SSBP3: variants seen among roughly 807,000 people sequenced by gnomAD.
The protein encoded by SSBP3 is single-stranded DNA-binding protein 3.
Under a neutral mutation model 69.6 loss-of-function variants are expected in SSBP3, and 5 were observed. That is an observed-to-expected ratio of 0.07 (90% CI 0.04 to 0.15). The LOEUF is 0.15. SSBP3 is among the 10% of genes least tolerant of loss of function. SSBP3 has a pLI of 1.00. For synonymous variants in SSBP3, 196 were observed against 193.4 expected, an observed-to-expected ratio of 1.01 and a Z score of -0.11; for missense variants, 312 against 534.0, an observed-to-expected ratio of 0.58 and a Z score of 4.10.
At chr1:54,229,112 C>G (rs1175590520) in intron 14 of SSBP3, among the ~76,000 whole-genome samples, 1 of 152,250 alleles carries the variant, frequency 6.6e-6, no homozygotes, top group African/African-American at 2.4e-5. Flanking sequence ...CTGAGCCTCT[C>G]GGATCCCACC....
rs940611207 is a variant in SSBP3, at chr1:54,359,980, G to A, written c.276+41881C>T. ...CCACTACTGGGTGTGTGACTCAACC[G>A]CCAACACCTTCAGAGTCTTGTTCAC... On this transcript the variant is annotated intron_variant, in intron 4 of 17. Coordinates refer to ENST00000610401, the Ensembl canonical transcript of SSBP3. 2.6e-5 allele frequency among the ~76,000 whole-genome samples: 4 copies of A among 152,066 alleles called. 1 individual carries two copies. The highest frequency in any genetic ancestry group is 2.1e-4 in the South Asian group (1 of 4,820).
intron 4 of SSBP3, among the ~76,000 whole-genome samples, chr1:54,347,861 G>T (rs1388972114): frequency 6.6e-6 from 1 of 152,162 alleles, no homozygotes; most frequent in African/African-American, 2.4e-5. Flanking sequence ...CCTTCCTCGT[G>T]AACTTTCAGC....
intron 4 of SSBP3, among the ~76,000 whole-genome samples, chr1:54,321,832 C>T (rs1646219730): frequency 6.6e-6 from 1 of 152,208 alleles, no homozygotes; most frequent in African/African-American, 2.4e-5. Context: ...GAATGTCCCC[C>T]ATGAGAAGGA....
At chr1:54,228,148 C>G in intron 17 of SSBP3, 107 bp downstream of exon 17, 1 of 1,027,666 alleles carries the variant, frequency 9.7e-7, no homozygotes, top group Non-Finnish European at 1.5e-6. Flanking sequence ...ATAACACGGC[C>G]ACCAGCTTAG....
chr1:54,228,630 CT>C, intron 15 of SSBP3, 117 bp downstream of exon 15: 3 of 1,476,362 alleles, frequency 2.0e-6, no homozygotes, highest in Non-Finnish European at 2.8e-6. Flanking sequence ...CAGGATCGTC[CT>C]GTGTGCCCAG....
rs1570077520 is a variant in SSBP3 at position 54,404,856 on chromosome 1, A to C, written c.129+2T>G. ...TTGGATGCTGGGGGGAGTCCCACTC[A>C]CCTCCGATAAGAAGGTCTGTGCAGA... On this transcript the variant is annotated splice_donor_variant, in intron 2 of 17. Transcript: ENST00000610401. LOFTEE classifies it high-confidence loss of function. 1 of 1,602,418 alleles carries C rather than the reference A, an allele frequency of 6.2e-7. No individual in the cohort carries two copies.
Position 54,227,730 on chromosome 1 carries a change from A to G in SSBP3, c.1137+525T>C, listed in dbSNP as rs186690178. Among the ~76,000 whole-genome samples, 686 of 152,280 alleles carry G rather than the reference A, an allele frequency of 4.5e-3. 4 individuals are homozygous for G. The highest frequency in any genetic ancestry group is 0.02 in the Middle Eastern group (6 of 294). On this transcript the variant is annotated intron_variant, in intron 17 of 17. Coordinates refer to ENST00000610401, the Ensembl canonical transcript of SSBP3. ...GTAGCTGGGACTATAGGCATGCGAC[A>G]CTACACCCGGCTAATTTTTGTATTT...
chr1:54,239,199 T>C (rs1371747397), exon 14 of SSBP3: 1 of 1,608,676 alleles, frequency 6.2e-7, no homozygotes. Context: ...ATTTGTTGAA[T>C]CTGTAGAACA....
At chr1:54,255,836 G>A (rs918179013) in intron 7 of SSBP3, among the ~76,000 whole-genome samples, 4 of 152,220 alleles carry the variant, frequency 2.6e-5, no homozygotes, top group Admixed American at 2.0e-4. Flanking sequence ...ACTGTGGGAG[G>A]CCAAGGCAGG....
chr1:54,235,448 ATTTTT>A (rs71580002), intron 14 of SSBP3, among the ~76,000 whole-genome samples: 7 of 69,922 alleles, frequency 1.0e-4, no homozygotes, highest in African/African-American at 2.0e-4. Flanking sequence ...TGCCCGGCTG[ATTTTT>A]TTTTTTTTTT....
At chr1:54,370,519 G>T (rs532104658) in intron 4 of SSBP3, among the ~76,000 whole-genome samples, 1 of 152,290 alleles carries the variant, frequency 6.6e-6, no homozygotes, top group South Asian at 2.1e-4. Flanking sequence ...ACCATCACTA[G>T]CCTTCAGATT....
At chr1:54,307,612 TAA>T (rs1645923788) in intron 4 of SSBP3, among the ~76,000 whole-genome samples, 1 of 152,148 alleles carries the variant, frequency 6.6e-6, no homozygotes, top group African/African-American at 2.4e-5. Flanking sequence ...AGCTGCATTC[TAA>T]GTCACAGGAT....
intron 4 of SSBP3, among the ~76,000 whole-genome samples, chr1:54,325,164 G>A (rs1646278889): frequency 6.6e-6 from 1 of 152,172 alleles, no homozygotes; most frequent in African/African-American, 2.4e-5. Flanking sequence ...CCGAGCATCT[G>A]GGCCCAGGAC....
At chr1:54,407,353 A>T (rs1479385396), upstream of SSBP3, among the ~76,000 whole-genome samples, 1 of 152,186 alleles carries the variant, frequency 6.6e-6, no homozygotes, top group East Asian at 1.9e-4. Flanking sequence ...AACTTCAAAT[A>T]AATGGAGCTA....
At chr1:54,335,348 G>A (rs1415969218) in intron 4 of SSBP3, among the ~76,000 whole-genome samples, 1 of 152,160 alleles carries the variant, frequency 6.6e-6, no homozygotes, top group Non-Finnish European at 1.5e-5. Flanking sequence ...TTCTAGGATG[G>A]GGACTGAGAA....
At chr1:54,356,989 C>G (rs1646879240) in intron 4 of SSBP3, among the ~76,000 whole-genome samples, 1 of 151,912 alleles carries the variant, frequency 6.6e-6, no homozygotes, top group East Asian at 1.9e-4. Flanking sequence ...GGGGTAGAGC[C>G]CCTCACCTCA....
At chr1:54,399,723 G>A (rs775959451) in intron 4 of SSBP3, among the ~76,000 whole-genome samples, 1 of 152,166 alleles carries the variant, frequency 6.6e-6, no homozygotes, top group Non-Finnish European at 1.5e-5. Context: ...AGGTTAACTA[G>A]ACTGTAGCCA....
chr1:54,403,011 C>T (rs911420985), intron 3 of SSBP3, among the ~76,000 whole-genome samples: 17 of 152,220 alleles, frequency 1.1e-4, no homozygotes, highest in Admixed American at 1.1e-3. Context: ...ACAAGCATCT[C>T]ACTCAAGGTG....
intron 1 of SSBP3, chr1:54,412,663 G>A (rs1650021765): frequency 6.6e-6 from 1 of 152,230 alleles, no homozygotes; most frequent in Non-Finnish European, 1.5e-5. Flanking sequence ...CAATGCCACT[G>A]AAGTGTACGC....
Sources: gnomAD v4.1 joint callset for allele counts (sites outside exome capture counted in the v4.1 genomes callset) on GRCh38, gnomAD v4.1.1 for gene constraint, MANE v1.5 for transcripts, NCBI Gene and HGNC (gene_info 2026-07-23, HGNC 2026-07-21) for gene names.